Variants in SAMD11 observed in about 807,000 individuals in gnomAD.
SAMD11 encodes sterile alpha motif domain containing 11, also known as sterile alpha motif domain-containing protein 11.
In SAMD11, 77 loss-of-function variants were observed where a neutral mutation model predicts 64.4. The observed-to-expected ratio is 1.20, with a 90% CI of 0.99 to 1.44. The LOEUF (loss-of-function observed/expected upper bound fraction) is 1.44. Among genes scored for constraint, SAMD11 ranks in the 40% most tolerant of loss-of-function variants. The pLI, the probability that SAMD11 is intolerant of heterozygous loss-of-function variation, is 0.00. For synonymous variants in SAMD11, 658 were observed against 421.9 expected (o/e 1.56, Z -6.86); for missense variants, 1,402 against 943.3 (o/e 1.49, Z -6.37).
At position 941,159 on chromosome 1, in the gene SAMD11, G is replaced by A. The variant is rs1005814595; in HGVS notation, c.1211G>A (p.Arg404Gln). The change falls in exon 8 of 14, where the codon CGG becomes CAG. Residue 404 changes from arginine to glutamine, a missense_variant. Arg to Gln is a conservative substitution (Grantham distance 43). Coordinates refer to ENST00000616016, the MANE Select transcript of SAMD11 (RefSeq NM_001385641.1). ...GLPSHDLLRV[R>Q]QEVAAAALRG... Reference sequence around the variant, plus strand: ...CCCCACCCAGATCTCCTGAGGGTCCGGCAGGAGGTGGCGGCTGCAGCTCTG... The same window carrying A: ...CCCCACCCAGATCTCCTGAGGGTCCAGCAGGAGGTGGCGGCTGCAGCTCTG... 1.2e-6 allele frequency: 2 copies of A among 1,600,156 alleles called. No homozygotes were observed. Among genetic ancestry groups the A allele is most frequent in the Non-Finnish European group, 8.5e-7 (1 of 1,174,326 alleles).
At chr1:940,228 C>T (rs1370484826) in intron 7 of SAMD11, 1 of 151,014 alleles carries the variant, frequency 6.6e-6, no homozygotes, top group Non-Finnish European at 1.5e-5. Context: ...CCTGGGGCCG[C>T]TCTGCTGGCC....
At chr1:935,370 C>T (rs545037405) in intron 4 of SAMD11, among the ~76,000 whole-genome samples, 4 of 152,182 alleles carry the variant, frequency 2.6e-5, no homozygotes, top group Non-Finnish European at 5.9e-5. Context: ...GTGGCACATT[C>T]TCTCCTGGGG....
At chr1:928,393 A>G (rs1164207248) in intron 2 of SAMD11, among the ~76,000 whole-genome samples, 3 of 152,210 alleles carry the variant, frequency 2.0e-5, no homozygotes, top group African/African-American at 7.2e-5. Context: ...CTCCGTCTCA[A>G]AAAACTAAAA....
intron 2 of SAMD11, among the ~76,000 whole-genome samples, chr1:928,354 C>G (rs552151876): frequency 3.3e-5 from 5 of 152,278 alleles, no homozygotes; most frequent in African/African-American, 1.2e-4. Flanking sequence ...ATTGTGCCAC[C>G]GCACTCCAGC....
chr1:943,253 G>T lies in SAMD11; in HGVS notation c.2054G>T (p.Gly685Val). The change falls in exon 12 of 14, where the codon GGC becomes GTC. Residue 685 changes from glycine (G) to valine (V), a missense_variant and splice_region_variant. By Grantham distance (109) the Gly-to-Val change is moderately radical. Coordinates refer to ENST00000616016, the MANE Select transcript of SAMD11 (RefSeq NM_001385641.1). Reference sequence around the variant, plus strand: ...CCTAGTAACACGCCCCACAACTCAGGCGCGGTAGGGGGACTCTCCATGGAT... The same window carrying T: ...CCTAGTAACACGCCCCACAACTCAGTCGCGGTAGGGGGACTCTCCATGGAT... ...PYAVSPYFHT[G>V]AVGGLSMDGE... The T allele has an allele frequency of 6.2e-7, 1 of 1,612,912 alleles. No individual in the cohort carries two copies. The highest frequency in any genetic ancestry group is 8.5e-7 in the Non-Finnish European group (1 of 1,179,876).
At chr1:935,258 G>GGTGCCGTGTGTGCGTGT (rs1553159323) in intron 4 of SAMD11, among the ~76,000 whole-genome samples, 1 of 152,148 alleles carries the variant, frequency 6.6e-6, no homozygotes, top group Middle Eastern at 3.2e-3. Context: ...CGTGTCTGCC[G>GGTGCCGTGTGTGCGTGT]GTGCCGTGTG....
intron 8 of SAMD11, among the ~76,000 whole-genome samples, chr1:941,695 ACCCGGGTTTCT>A (rs1299420996): frequency 6.6e-6 from 1 of 151,678 alleles, no homozygotes; most frequent in Non-Finnish European, 1.5e-5. Context: ...TCCGGCACAG[ACCCGGGTTTCT>A]CGGGTCCAGG....
intron 11 of SAMD11, 64 bp from the exon 12 acceptor site, chr1:943,189 G>A: frequency 5.0e-6 from 8 of 1,607,048 alleles, no homozygotes; most frequent in South Asian, 3.3e-5. Context: ...GGCACACGAC[G>A]GTCAGGAGAC....
chr1:933,720 C>T (rs1226942320), intron 4 of SAMD11, among the ~76,000 whole-genome samples: 9 of 148,448 alleles, frequency 6.1e-5, no homozygotes, highest in Non-Finnish European at 8.9e-5. Context: ...TTACTCCCAC[C>T]CAGCTGCCTT....
chr1:943,732 T>TGCCACTGCTGACGGAGGA lies in SAMD11; in HGVS notation c.2216_2233dup (p.Pro739_Glu744dup), dbSNP rs1557612059. ...GAGCAGGGGATCGACGGGGAGACCC[T>TGCCACTGCTGACGGAGGA]GCCACTGCTGACGGAGGAGCACCTG... is the stretch of plus-strand genomic sequence containing the variant. On this transcript the variant is annotated inframe_insertion, in exon 13 of 14. Transcript: ENST00000616016. 1 of 1,553,910 alleles carries TGCCACTGCTGACGGAGGA rather than the reference T, an allele frequency of 6.4e-7. No homozygotes were observed. The highest frequency in any genetic ancestry group is 1.7e-5 in the Admixed American group (1 of 57,536).
rs746421049 is a variant in SAMD11, at chr1:941,294, C to T, written c.1346C>T (p.Ser449Phe). The T allele has an allele frequency of 3.1e-5, 49 of 1,589,502 alleles. 1 individual carries two copies. In the South Asian group the frequency reaches 4.1e-4, roughly 13 times the overall value. ...GGCGCCGCCCCAGCTGCCGCCCCGT[C>T]CTTCTCGGAGAGGTACTGGGGTGGC... ...REGAAPAAAP[S>F]FSERELPQPP... is the part of the protein sequence containing the mutation. The change falls in exon 8 of 14, where the codon TCC becomes TTC. Residue 449 changes from serine (S) to phenylalanine (F), a missense_variant. Physicochemically the swap from Ser to Phe is radical, Grantham distance 155 (BLOSUM62 -2). Coordinates refer to ENST00000616016, the MANE Select transcript of SAMD11 (RefSeq NM_001385641.1).
chr1:927,754 G>A (rs2100296201), intron 2 of SAMD11, among the ~76,000 whole-genome samples: 1 of 152,364 alleles, frequency 6.6e-6, no homozygotes. Flanking sequence ...GCTGTCAGGG[G>A]CCGAGTTTTC....
chr1:943,251 A>G lies in SAMD11; in HGVS notation c.2054-2A>G. On this transcript the variant is annotated splice_acceptor_variant, in intron 11 of 13. Coordinates refer to ENST00000616016, the MANE Select transcript of SAMD11 (RefSeq NM_001385641.1). LOFTEE classifies it high-confidence loss of function. The stretch of plus-strand genomic sequence containing the variant: ...GCCCTAGTAACACGCCCCACAACTC[A>G]GGCGCGGTAGGGGGACTCTCCATGG... 1 of 1,612,736 alleles carries G rather than the reference A, an allele frequency of 6.2e-7. No homozygotes were observed. Among genetic ancestry groups the G allele is most frequent in the East Asian group, 2.2e-5 (1 of 44,846 alleles).
intron 3 of SAMD11, 91 bp downstream of exon 3, chr1:930,427 C>G: frequency 7.5e-7 from 1 of 1,340,626 alleles, no homozygotes; most frequent in South Asian, 1.5e-5. Context: ...GTGTCCACAC[C>G]GGCCTCCCAC....
At chr1:929,391 T>C (rs1641062257) in intron 2 of SAMD11, among the ~76,000 whole-genome samples, 1 of 152,152 alleles carries the variant, frequency 6.6e-6, no homozygotes, top group Admixed American at 6.5e-5. Context: ...CCTGGGCTGG[T>C]GAGGGCTCCT....
In SAMD11 at chr1:943,528, T is replaced by TCAC. The variant is rs1641950163; in HGVS notation, c.2178+151_2178+152insCAC. The TCAC allele has an allele frequency of 4.3e-3, 4 of 928 alleles. No homozygotes were observed. In the Admixed American group the frequency reaches 0.1, roughly 23 times the overall value. The allele number at this position is 928 out of a possible 1,614,324, so 0.1% of individuals were successfully genotyped here. A position where few individuals can be genotyped will look rare whatever the true frequency, so the allele number is the denominator to read the frequency against. ...AGGGACTGGACTGTGCACCCCACCT[T>TCAC]TTTTTTTTTTTTTTTTTTTTGCCAG... On this transcript the variant is annotated intron_variant, in intron 12 of 13. Transcript: ENST00000616016.
At chr1:940,089 C>T (rs998248244) in intron 7 of SAMD11, among the ~76,000 whole-genome samples, 1 of 152,156 alleles carries the variant, frequency 6.6e-6, no homozygotes, top group Non-Finnish European at 1.5e-5. Context: ...GTGGGGGCGC[C>T]GGGAAAGGAG....
rs1642002350 is a variant in SAMD11, at chr1:944,099, T to C, written c.2481T>C (p.Asn827=). 1.2e-6 allele frequency: 2 copies of C among 1,611,448 alleles called. No individual in the cohort carries two copies. Among genetic ancestry groups the C allele is most frequent in the Non-Finnish European group, 1.7e-6 (2 of 1,179,266 alleles). ...GTCAAACTTCACCCAAGCAGGAGAA[T>C]GGGACCTTGGCTCTACTTCCAGGGG... is the stretch of plus-strand genomic sequence containing the variant. The part of the protein sequence containing the change: ...LAGQTSPKQE[N]GTLALLPGAP... The change falls in exon 14 of 14, where the codon AAT becomes AAC. Residue 827 remains asparagine (N), a synonymous_variant. Transcript: ENST00000616016.
At position 925,643 on chromosome 1, in the gene SAMD11, G is replaced by C. The variant is rs968402389; in HGVS notation, c.518-279G>C. 20 of 360,814 alleles carry C rather than the reference G, an allele frequency of 5.5e-5. 1 individual carries two copies. Among genetic ancestry groups the C allele is most frequent in the Middle Eastern group, 8.3e-4 (1 of 1,206 alleles). The allele number at this position is 360,814 out of a possible 1,614,324, so 22.4% of individuals were successfully genotyped here. ...CCGGCCTGCGGTTCCCTCGGGGCCG[G>C]GGAGAGGGTGGAGCGCGGGAGGAGG... On this transcript the variant is annotated intron_variant, in intron 1 of 13. Coordinates refer to ENST00000616016, the MANE Select transcript of SAMD11 (RefSeq NM_001385641.1).
Sources: gnomAD v4.1 joint callset for allele counts (sites outside exome capture counted in the v4.1 genomes callset) on GRCh38, gnomAD v4.1.1 for gene constraint, MANE v1.5 for transcripts, NCBI Gene and HGNC (gene_info 2026-07-23, HGNC 2026-07-21) for gene names.